The following ZFAND6 variants were observed in gnomAD, a reference collection of about 807,000 sequenced individuals.
ZFAND6 encodes zinc finger AN1-type containing 6, also known as AN1-type zinc finger protein 6.
In ZFAND6, 12 loss-of-function variants were observed where a neutral mutation model predicts 24.5. The observed-to-expected ratio is 0.49, with a 90% CI of 0.31 to 0.79. The LOEUF (loss-of-function observed/expected upper bound fraction) is 0.79. Ranked by LOEUF, ZFAND6 falls within the 30% of genes least tolerant of loss-of-function variation. The pLI is 0.04. For missense variants in ZFAND6, 207 were observed against 245.9 expected (o/e 0.84, Z 1.06); for synonymous variants, 92 against 81.5 (o/e 1.13, Z -0.69).
At chr15:80,112,270 C>T (rs1283241267) in intron 2 of ZFAND6, among the ~76,000 whole-genome samples, 1 of 152,134 alleles carries the variant, frequency 6.6e-6, no homozygotes, top group Non-Finnish European at 1.5e-5. Flanking sequence ...CAAAAAACTG[C>T]TATGCAGAGA....
chr15:80,064,596 A>G (rs184623079), intron 1 of ZFAND6, among the ~76,000 whole-genome samples: 2 of 103,226 alleles, frequency 1.9e-5, no homozygotes, highest in Admixed American at 2.5e-4. Context: ...ATATATATAC[A>G]CATGTATACA....
At chr15:80,063,385 A>G (rs993202919) in intron 1 of ZFAND6, among the ~76,000 whole-genome samples, 15 of 151,904 alleles carry the variant, frequency 9.9e-5, no homozygotes. Flanking sequence ...CAGACTAGCT[A>G]CATTTCTTTT....
chr15:80,124,218 G>A (rs1388205001), intron 5 of ZFAND6, among the ~76,000 whole-genome samples: 1 of 152,192 alleles, frequency 6.6e-6, no homozygotes, highest in African/African-American at 2.4e-5. Context: ...TGGATCACGA[G>A]GTCAGGAGAT....
chr15:80,083,216 C>A (rs142658601), intron 1 of ZFAND6, among the ~76,000 whole-genome samples: 1,922 of 152,262 alleles, frequency 0.013, 34 homozygotes, highest in African/African-American at 0.044. Flanking sequence ...TGGTCTCAAT[C>A]TCCTGACCTC....
chr15:80,065,703 C>T (rs1451474819), intron 1 of ZFAND6, among the ~76,000 whole-genome samples: 3 of 151,650 alleles, frequency 2.0e-5, no homozygotes, highest in Non-Finnish European at 2.9e-5. Flanking sequence ...TGCCACCACA[C>T]CTGGCTAATT....
At chr15:80,064,994 C>G (rs2036536110) in intron 1 of ZFAND6, among the ~76,000 whole-genome samples, 1 of 116,332 alleles carries the variant, frequency 8.6e-6, no homozygotes, top group African/African-American at 3.1e-5. Context: ...TGCTCTCTCT[C>G]TCTCCCCCTT....
At position 80,082,423 on chromosome 15, in the gene ZFAND6, A is replaced by G. The variant is rs191475947; in HGVS notation, c.-180-15993A>G. Among the ~76,000 whole-genome samples, 248 of 152,328 alleles carry G rather than the reference A, an allele frequency of 1.6e-3. 2 individuals are homozygous for G. Among genetic ancestry groups the G allele is most frequent in the African/African-American group, 5.6e-3 (232 of 41,576 alleles). On this transcript the variant is annotated intron_variant, in intron 1 of 6. Transcript: ENST00000261749. ...CAGATAGGACAAATTGACAAAGGTT[A>G]TGTGGCAGAGCCTAGATTGAAATTG...
At chr15:80,083,490 A>G (rs2037805520) in intron 1 of ZFAND6, among the ~76,000 whole-genome samples, 1 of 152,258 alleles carries the variant, frequency 6.6e-6, no homozygotes, top group Admixed American at 6.5e-5. Context: ...GAGCAGAGTC[A>G]GAGAAGACTG....
chr15:80,077,600 G>T (rs1238825706), intron 1 of ZFAND6, among the ~76,000 whole-genome samples: 1 of 151,750 alleles, frequency 6.6e-6, no homozygotes, highest in African/African-American at 2.4e-5. Context: ...TCTTTGAAGG[G>T]ATCAAATTAT....
Position 80,130,995 on chromosome 15 carries a change from G to T in ZFAND6, c.365-185G>T, listed in dbSNP as rs77449785. ...ACATATTCTAGATTATTTTCTACAT[G>T]CATATATACATACATTTAACAAAAA... On this transcript the variant is annotated intron_variant, in intron 5 of 6. Coordinates refer to ENST00000261749, the MANE Select transcript of ZFAND6 (RefSeq NM_019006.4). 3.3e-3 allele frequency: 1,419 copies of T among 436,362 alleles called. 20 individuals carry two copies. Among genetic ancestry groups the T allele is most frequent in the African/African-American group, 0.026 (1,319 of 50,130 alleles). The allele number at this position is 436,362 out of a possible 1,614,324, so 27.0% of individuals were successfully genotyped here.
At chr15:80,120,531 A>T (rs1329537514) in intron 3 of ZFAND6, 33 bp downstream of exon 3, 2 of 1,448,652 alleles carry the variant, frequency 1.4e-6, no homozygotes, top group Non-Finnish European at 1.8e-6. Flanking sequence ...GTCTATATTC[A>T]TAATTGAAAT....
intron 1 of ZFAND6, among the ~76,000 whole-genome samples, chr15:80,065,971 G>T (rs2036609324): frequency 6.6e-6 from 1 of 152,080 alleles, no homozygotes; most frequent in South Asian, 2.1e-4. Context: ...AAATTTTGAT[G>T]AGTAATATTT....
chr15:80,078,452 C>T (rs2037424293), intron 1 of ZFAND6, among the ~76,000 whole-genome samples: 1 of 152,194 alleles, frequency 6.6e-6, no homozygotes, highest in African/African-American at 2.4e-5. Context: ...TTTATGTAGT[C>T]CACTGTTGAT....
intron 5 of ZFAND6, among the ~76,000 whole-genome samples, chr15:80,124,822 G>T (rs1019556212): frequency 6.6e-6 from 1 of 152,102 alleles, no homozygotes; most frequent in Admixed American, 6.5e-5. Flanking sequence ...TTAGGTATAA[G>T]TTTCATCTCA....
chr15:80,098,648 A>G (rs1264151217), intron 2 of ZFAND6, 70 bp downstream of exon 2: 1 of 152,114 alleles, frequency 6.6e-6, no homozygotes, highest in Non-Finnish European at 1.5e-5. Context: ...TTTAATTTAA[A>G]ATGCTTGAAG....
intron 2 of ZFAND6, among the ~76,000 whole-genome samples, chr15:80,099,260 T>C (rs1341483818): frequency 6.6e-6 from 1 of 152,154 alleles, no homozygotes; most frequent in Non-Finnish European, 1.5e-5. Context: ...CTGGTTTTTT[T>C]CTACCCTCCT....
At chr15:80,084,841 T>G (rs34590613) in intron 1 of ZFAND6, among the ~76,000 whole-genome samples, 5,428 of 152,338 alleles carry the variant, frequency 0.036, 155 homozygotes, top group South Asian at 0.14. Context: ...AGTGTCATCC[T>G]GCATCATCAA....
intron 1 of ZFAND6, among the ~76,000 whole-genome samples, chr15:80,091,833 T>G (rs955673676): frequency 1.3e-5 from 2 of 152,060 alleles, no homozygotes; most frequent in African/African-American, 4.8e-5. Context: ...AGAGGCAGAA[T>G]CTTGCCGTAT....
intron 2 of ZFAND6, among the ~76,000 whole-genome samples, chr15:80,105,113 C>T (rs904352890): frequency 6.6e-6 from 1 of 152,176 alleles, no homozygotes; most frequent in Non-Finnish European, 1.5e-5. Flanking sequence ...GTAGTCTAGG[C>T]ACACAGAAGT....
Sources: gnomAD v4.1 joint callset for allele counts (sites outside exome capture counted in the v4.1 genomes callset) on GRCh38, gnomAD v4.1.1 for gene constraint, MANE v1.5 for transcripts, NCBI Gene and HGNC (gene_info 2026-07-23, HGNC 2026-07-21) for gene names.